Variants in IPP observed in about 807,000 individuals in gnomAD.
The protein encoded by IPP is intracisternal A particle-promoted polypeptide, also known as actin-binding protein IPP.
In IPP, 41 loss-of-function variants were observed where a neutral mutation model predicts 64.1. The observed-to-expected ratio is 0.64, with a 90% confidence interval of 0.50 to 0.83. The LOEUF (loss-of-function observed/expected upper bound fraction) is 0.83, where lower values mean the gene tolerates loss of function less well. Among genes scored for constraint, IPP ranks in the 40% least tolerant of loss-of-function variants. The probability of loss-of-function intolerance (pLI) is 0.00; values close to 1 mark genes in which losing one functional copy is unlikely to be tolerated. For synonymous variants in IPP, 214 were observed against 235.2 expected, an observed-to-expected ratio of 0.91 and a Z score of 0.83; for missense variants, 649 against 703.0, an observed-to-expected ratio of 0.92 and a Z score of 0.87.
At chr1:45,714,957 G>A (rs1645637715) in intron 7 of IPP, among the ~76,000 whole-genome samples, 2 of 151,888 alleles carry the variant, frequency 1.3e-5, no homozygotes, top group African/African-American at 4.8e-5. Context: ...TACACAGCTG[G>A]GTGTAGTGGT....
In IPP at chr1:45,699,761, C is replaced by T; in HGVS notation, c.*205G>A. 1 of 1,338,716 alleles carries T rather than the reference C, an allele frequency of 7.5e-7. No individual in the cohort carries two copies. The highest frequency in any genetic ancestry group is 9.7e-7 in the Non-Finnish European group (1 of 1,027,034). The allele number at this position is 1,338,716 out of a possible 1,614,324, so 82.9% of individuals were successfully genotyped here. ...TACTACAACCTCAAATTCCTGGGCTCAAGTGATCCTTCTGCCTCAGCCTTC... is the reference window on the plus strand; with the variant it reads ...TACTACAACCTCAAATTCCTGGGCTTAAGTGATCCTTCTGCCTCAGCCTTC... On this transcript the variant is annotated 3_prime_UTR_variant, in exon 9 of 9. Transcript: ENST00000396478.
chr1:45,740,782 G>C (rs1353746413), intron 3 of IPP, 119 bp downstream of exon 3: 2 of 580,596 alleles, frequency 3.4e-6, no homozygotes, highest in Non-Finnish European at 5.8e-6. Context: ...GAAAAAAAAA[G>C]AGTAATCATT....
At chr1:45,725,228 G>T (rs1645802797) in intron 5 of IPP, among the ~76,000 whole-genome samples, 10 of 130,980 alleles carry the variant, frequency 7.6e-5, no homozygotes, top group Non-Finnish European at 1.3e-4. Context: ...TCAGCCCCCC[G>T]CCTGGCCAGC....
intron 1 of IPP, among the ~76,000 whole-genome samples, chr1:45,747,949 T>A (rs952982412): frequency 2.7e-5 from 4 of 148,642 alleles, no homozygotes; most frequent in African/African-American, 9.9e-5. Flanking sequence ...TAGGTATCAA[T>A]GACAATGGGT....
At chr1:45,738,477 T>C (rs75087662) in intron 3 of IPP, among the ~76,000 whole-genome samples, 167 of 152,178 alleles carry the variant, frequency 1.1e-3, no homozygotes, top group African/African-American at 3.8e-3. Flanking sequence ...AGGGATGAGT[T>C]ATAGACTGGT....
intron 5 of IPP, among the ~76,000 whole-genome samples, chr1:45,724,961 A>G (rs1402803581): frequency 3.3e-5 from 3 of 90,028 alleles, no homozygotes; most frequent in Admixed American, 1.1e-4. Context: ...GGCCGCCCCT[A>G]CTGGGAAGTG....
chr1:45,729,514 C>T (rs1645876896), intron 4 of IPP, 100 bp downstream of exon 4: 1 of 865,678 alleles, frequency 1.2e-6, no homozygotes, highest in Non-Finnish European at 1.9e-6. Flanking sequence ...TTCAACACAC[C>T]CACATATTCT....
In IPP at chr1:45,741,089, G is replaced by GTCC; in HGVS notation, c.535_536insGGA (p.Leu178_Thr179insArg). 1 of 1,613,988 alleles carries GTCC rather than the reference G, an allele frequency of 6.2e-7. No individual in the cohort carries two copies. The highest frequency in any genetic ancestry group is 8.5e-7 in the Non-Finnish European group (1 of 1,179,974). ...CAAAATTTTGATCAGCTGATCTTTC[G>GTCC]TAAGTGCCAGGAACTCTTCTCCACT... On this transcript the variant is annotated inframe_insertion, in exon 3 of 9. Transcript: ENST00000396478.
chr1:45,743,820 G>A (rs1422207493), intron 2 of IPP, among the ~76,000 whole-genome samples: 1 of 151,626 alleles, frequency 6.6e-6, no homozygotes, highest in African/African-American at 2.4e-5. Flanking sequence ...AGACCAGCCG[G>A]GCCAACATGG....
At chr1:45,705,334 A>G (rs927499555) in intron 8 of IPP, among the ~76,000 whole-genome samples, 1 of 152,386 alleles carries the variant, frequency 6.6e-6, no homozygotes, top group Middle Eastern at 3.4e-3. Context: ...CAGAAAAAGT[A>G]TAAGATAAAC....
chr1:45,712,757 C>G (rs1158345805), intron 8 of IPP, among the ~76,000 whole-genome samples: 1 of 150,494 alleles, frequency 6.6e-6, no homozygotes, highest in African/African-American at 2.4e-5. Flanking sequence ...TACTGGAAGG[C>G]TGAGGCAGGA....
chr1:45,726,090 A>AAAATAAAT (rs530444709), intron 5 of IPP, among the ~76,000 whole-genome samples: 1 of 148,874 alleles, frequency 6.7e-6, no homozygotes, highest in African/African-American at 2.5e-5. Flanking sequence ...ATCAATAAAA[A>AAAATAAAT]AAATAAATAA....
At chr1:45,737,950 C>G (rs1197222871) in intron 3 of IPP, among the ~76,000 whole-genome samples, 3 of 152,006 alleles carry the variant, frequency 2.0e-5, no homozygotes, top group African/African-American at 7.3e-5. Context: ...ACTTTTATTA[C>G]AAATATGAAC....
intron 1 of IPP, among the ~76,000 whole-genome samples, chr1:45,747,302 A>G (rs1646152260): frequency 6.6e-6 from 1 of 152,074 alleles, no homozygotes; most frequent in East Asian, 1.9e-4. Context: ...ACTTCTCCAC[A>G]TATTATGTCA....
chr1:45,717,050 G>T (rs1245623764), intron 6 of IPP, 33 bp from the exon 7 acceptor site: 1 of 1,602,974 alleles, frequency 6.2e-7, no homozygotes, highest in East Asian at 2.2e-5. Context: ...TTGTTTCCGG[G>T]ATAAAAGATT....
rs1553192401 is a variant in IPP, at chr1:45,732,369, A to AAAAAAAC, written c.725-2601_725-2600insGTTTTTT. Reference sequence around the variant, plus strand: ...AGAGCGAGACTCCACCTCAAAAAAAAAAAAAAAAAAACACAAAAAACAATG... The same window carrying AAAAAAAC: ...AGAGCGAGACTCCACCTCAAAAAAAAAAAAAACAAAAAAAAAAACACAAAAAACAATG... On this transcript the variant is annotated intron_variant, in intron 3 of 8. Transcript: ENST00000396478. 9.3e-5 allele frequency among the ~76,000 whole-genome samples: 14 copies of AAAAAAAC among 150,278 alleles called. 1 individual carries two copies. Among genetic ancestry groups the AAAAAAAC allele is most frequent in the African/African-American group, 3.4e-4 (14 of 41,248 alleles).
chr1:45,695,228 G>A (rs916664680), downstream of IPP, among the ~76,000 whole-genome samples: 5 of 152,142 alleles, frequency 3.3e-5, no homozygotes, highest in African/African-American at 1.2e-4. Flanking sequence ...GTAGTGGTGT[G>A]GTCATGGCTC....
intron 2 of IPP, among the ~76,000 whole-genome samples, chr1:45,742,129 A>G (rs986952010): frequency 2.0e-5 from 3 of 152,206 alleles, no homozygotes; most frequent in Non-Finnish European, 4.4e-5. Context: ...AGAAAACCAA[A>G]TATCATATGT....
chr1:45,697,682 A>G (rs796125670), downstream of IPP, among the ~76,000 whole-genome samples: 115 of 152,182 alleles, frequency 7.6e-4, no homozygotes, highest in African/African-American at 2.6e-3. Flanking sequence ...AAATCGGCAG[A>G]GTGCGGTGGC....
Sources: allele counts gnomAD v4.1 joint callset (sites outside exome capture counted in the v4.1 genomes callset), GRCh38; gene constraint gnomAD v4.1.1; transcripts MANE v1.5; gene names NCBI Gene and HGNC (gene_info 2026-07-23, HGNC 2026-07-21).